The following SV2B variants were observed in gnomAD, a reference collection of about 807,000 sequenced individuals.
SV2B encodes solute carrier family 22 member B2.
A neutral mutation model predicts 73.9 loss-of-function variants in SV2B; 41 were observed. The observed-to-expected ratio is 0.56, with a 90% CI of 0.43 to 0.72. The LOEUF is 0.72. SV2B is among the 30% of genes least tolerant of loss of function. The pLI, the probability that SV2B is intolerant of heterozygous loss-of-function variation, is 0.00. For missense variants in SV2B, 764 were observed against 857.8 expected (o/e 0.89, Z 1.37); for synonymous variants, 314 against 314.2 (o/e 1.00, Z 0.01).
chr15:91,158,032 T>C (rs781626257), intron 1 of SV2B, among the ~76,000 whole-genome samples: 3 of 152,330 alleles, frequency 2.0e-5, no homozygotes, highest in South Asian at 2.1e-4. Flanking sequence ...TGTATGTCCA[T>C]GGGCCTATGG....
rs781049886 is a variant in SV2B, at chr15:91,115,890, G to A, written c.-392+15527G>A. Among the ~76,000 whole-genome samples, 45 of 152,098 alleles carry A rather than the reference G, an allele frequency of 3.0e-4. 1 individual carries two copies. The highest frequency in any genetic ancestry group is 6.5e-4 in the Admixed American group (10 of 15,268). ...AGAGTTAATGATAGGTAAGGAAAACGTGATCTCTGCCCTCAGGGTGTATAG... is the reference window on the plus strand; with the variant it reads ...AGAGTTAATGATAGGTAAGGAAAACATGATCTCTGCCCTCAGGGTGTATAG... On this transcript the variant is annotated intron_variant, in intron 1 of 12. Coordinates refer to ENST00000394232, the MANE Select transcript of SV2B (RefSeq NM_001323032.3). The surrounding 1 kb of genome is among the most constrained non-coding windows in gnomAD (Gnocchi z 4.3).
At position 91,245,264 on chromosome 15, in the gene SV2B, G is replaced by A. The variant is rs1009528015; in HGVS notation, c.452-6555G>A. Among the ~76,000 whole-genome samples the A allele has an allele frequency of 1.7e-4, 26 of 152,132 alleles. No individual in the cohort carries two copies. Among genetic ancestry groups the A allele is most frequent in the African/African-American group, 5.8e-4 (24 of 41,420 alleles). ...TTGATCTCCTTCGATCTCATGATTC[G>A]ATTTCTTGGAATCTATTCTGAGCAA... On this transcript the variant is annotated intron_variant, in intron 2 of 12. Transcript: ENST00000394232. This position sits in a 1 kb window ranked among gnomAD's most constrained non-coding sequence, Gnocchi z 4.2.
At chr15:91,173,973 T>A (rs1197630184) in intron 1 of SV2B, among the ~76,000 whole-genome samples, 3 of 152,226 alleles carry the variant, frequency 2.0e-5, no homozygotes, top group Non-Finnish European at 4.4e-5. Flanking sequence ...TGAGGACCAC[T>A]GCAACAGTAC....
chr15:91,174,592 A>C (rs550473642), intron 1 of SV2B, among the ~76,000 whole-genome samples: 5 of 152,314 alleles, frequency 3.3e-5, no homozygotes, highest in African/African-American at 1.2e-4. Context: ...ATTAGGTGGG[A>C]TCCAGCATGC....
intron 1 of SV2B, among the ~76,000 whole-genome samples, chr15:91,125,311 G>A (rs2031226936): frequency 6.6e-6 from 1 of 152,146 alleles, no homozygotes; most frequent in African/African-American, 2.4e-5. Context: ...GTGCATGAGG[G>A]TATAAACACT....
rs572823596 is a variant in SV2B, at chr15:91,232,391, C to T, written c.451+5677C>T. On this transcript the variant is annotated intron_variant, in intron 2 of 12. Coordinates refer to ENST00000394232, the MANE Select transcript of SV2B (RefSeq NM_001323032.3). The surrounding 1 kb of genome is among the most constrained non-coding windows in gnomAD (Gnocchi z 4.7). The stretch of plus-strand genomic sequence containing the variant: ...TAGAATAGACTTAAAATGAAGGGCT[C>T]CCTTAGCAGACGTACACGGATTGCT... Among the ~76,000 whole-genome samples, 1 of 152,278 alleles carries T rather than the reference C, an allele frequency of 6.6e-6. No individual in the cohort carries two copies. The highest frequency in any genetic ancestry group is 2.1e-4 in the South Asian group (1 of 4,826).
chr15:91,256,084 C>T (rs182445239), intron 4 of SV2B, among the ~76,000 whole-genome samples: 2 of 152,144 alleles, frequency 1.3e-5, no homozygotes, highest in East Asian at 1.9e-4. Flanking sequence ...TGTGAACTCA[C>T]GGGTAAAGCT....
At position 91,229,087 on chromosome 15, in the gene SV2B, G is replaced by A. The variant is rs182167266; in HGVS notation, c.451+2373G>A. Among the ~76,000 whole-genome samples the A allele has an allele frequency of 1.7e-3, 263 of 152,304 alleles. 4 individuals are homozygous for A. Among genetic ancestry groups the A allele is most frequent in the Admixed American group, 7.6e-3 (117 of 15,300 alleles). On this transcript the variant is annotated intron_variant, in intron 2 of 12. Coordinates refer to ENST00000394232, the MANE Select transcript of SV2B (RefSeq NM_001323032.3). The surrounding 1 kb of genome is among the most constrained non-coding windows in gnomAD (Gnocchi z 4.3). Reference sequence around the variant, plus strand: ...CCATACTGCCTTTCTCTCACGCCTCGTTTGTGGGAAGGAGGTCATGCCGTG... The same window carrying A: ...CCATACTGCCTTTCTCTCACGCCTCATTTGTGGGAAGGAGGTCATGCCGTG...
chr15:91,260,260 A>G (rs1288472697), intron 5 of SV2B, 60 bp from the exon 6 acceptor site: 9 of 1,469,196 alleles, frequency 6.1e-6, no homozygotes, highest in African/African-American at 1.4e-5. Context: ...TTCCACCCCT[A>G]ATGAACAGAA....
rs985945734 is a variant in SV2B, at chr15:91,224,424, T to A, written c.-391-1449T>A. On this transcript the variant is annotated intron_variant, in intron 1 of 12. Coordinates refer to ENST00000394232, the MANE Select transcript of SV2B (RefSeq NM_001323032.3). The surrounding 1 kb of genome is among the most constrained non-coding windows in gnomAD (Gnocchi z 4.9). ...GTGGGGTAGGGGGTGTAGGAGGGGC[T>A]GACGCCTAGCCCTGAGGGGCTACTC... 6.6e-6 allele frequency among the ~76,000 whole-genome samples: 1 copy of A among 152,134 alleles called. No individual in the cohort carries two copies. The highest frequency in any genetic ancestry group is 6.5e-5 in the Admixed American group (1 of 15,276).
rs1205905066 is a variant in SV2B at position 91,252,417 on chromosome 15, G to A, written c.681G>A (p.Leu227=). The A allele has an allele frequency of 2.5e-6, 4 of 1,613,470 alleles. No homozygotes were observed. The highest frequency in any genetic ancestry group is 3.4e-6 in the Non-Finnish European group (4 of 1,179,746). Residue 227 remains leucine, a synonymous_variant, in exon 4 of 13, where the codon TTG becomes TTA. Transcript: ENST00000394232. This position sits in a 1 kb window ranked among gnomAD's most constrained non-coding sequence, Gnocchi z 4.6. ...TTTTTGCCTATTTTTCTGAATTCTT[G>A]TCTCGGGAGAAGCGAGGAGAACACC... The part of the protein sequence containing the change: ...PIVFAYFSEF[L]SREKRGEHLS...
At position 91,183,279 on chromosome 15, in the gene SV2B, G is replaced by C. The variant is rs2044653406; in HGVS notation, c.-391-42594G>C. The stretch of plus-strand genomic sequence containing the variant: ...AATTATCCACATAAATGTGGGGAAA[G>C]TTGGTCTTCTCTTGGATTACCCAGA... On this transcript the variant is annotated intron_variant, in intron 1 of 12. Transcript: ENST00000394232. Among the ~76,000 whole-genome samples the C allele has an allele frequency of 2.0e-5, 3 of 152,256 alleles. No individual in the cohort carries two copies. The South Asian group carries it at 6.2e-4, about 31-fold the overall frequency.
At chr15:91,119,948 A>G (rs1660576511) in intron 1 of SV2B, among the ~76,000 whole-genome samples, 2 of 152,186 alleles carry the variant, frequency 1.3e-5, no homozygotes, top group Non-Finnish European at 2.9e-5. Flanking sequence ...TATTTGTAAA[A>G]GCTCCGCATA....
At chr15:91,126,435 A>G (rs1342861918) in intron 1 of SV2B, among the ~76,000 whole-genome samples, 1 of 152,230 alleles carries the variant, frequency 6.6e-6, no homozygotes, top group African/African-American at 2.4e-5. Context: ...CCATCTGGAG[A>G]TAATAGTGGG....
In SV2B at chr15:91,232,143, G is replaced by A. The variant is rs1367110588; in HGVS notation, c.451+5429G>A. Among the ~76,000 whole-genome samples, 1 of 152,154 alleles carries A rather than the reference G, an allele frequency of 6.6e-6. No individual in the cohort carries two copies. Among genetic ancestry groups the A allele is most frequent in the Non-Finnish European group, 1.5e-5 (1 of 68,014 alleles). ...GCCACTCTGTGTCTCAGAAGGGGGT[G>A]GCATGGAGGGGGGTCACTTCTGTGG... On this transcript the variant is annotated intron_variant, in intron 2 of 12. Coordinates refer to ENST00000394232, the MANE Select transcript of SV2B (RefSeq NM_001323032.3). This position sits in a 1 kb window ranked among gnomAD's most constrained non-coding sequence, Gnocchi z 4.7.
rs529835387 is a variant in SV2B, at chr15:91,229,100, A to C, written c.451+2386A>C. Among the ~76,000 whole-genome samples the C allele has an allele frequency of 7.2e-5, 11 of 152,336 alleles. No individual in the cohort carries two copies. In the South Asian group the frequency reaches 2.3e-3, roughly 32 times the overall value. ...CTCTCACGCCTCGTTTGTGGGAAGGAGGTCATGCCGTGCACAGGCTGCTCT... is the reference window on the plus strand; with the variant it reads ...CTCTCACGCCTCGTTTGTGGGAAGGCGGTCATGCCGTGCACAGGCTGCTCT... On this transcript the variant is annotated intron_variant, in intron 2 of 12. Transcript: ENST00000394232. The surrounding 1 kb of genome is among the most constrained non-coding windows in gnomAD (Gnocchi z 4.3).
intron 1 of SV2B, among the ~76,000 whole-genome samples, chr15:91,190,605 A>G (rs2044972708): frequency 6.6e-6 from 1 of 152,162 alleles, no homozygotes; most frequent in Admixed American, 6.5e-5. Context: ...TCTTTCTGCC[A>G]AAGGCAGAAT....
At chr15:91,250,738 T>C (rs2047450945) in intron 2 of SV2B, among the ~76,000 whole-genome samples, 1 of 152,132 alleles carries the variant, frequency 6.6e-6, no homozygotes, top group Non-Finnish European at 1.5e-5. Context: ...TACTTAGGAA[T>C]GAATTTAATC....
rs2041690818 is a variant in SV2B, at chr15:91,100,446, C to G, written c.-392+83C>G. 6.6e-6 allele frequency: 1 copy of G among 152,350 alleles called. No individual in the cohort carries two copies. Among genetic ancestry groups the G allele is most frequent in the African/African-American group, 2.4e-5 (1 of 41,472 alleles). 9.4% of individuals were successfully genotyped at this position (152,350 alleles called of 1,614,324 possible). A position where few individuals can be genotyped will look rare whatever the true frequency, so the allele number is the denominator to read the frequency against. On this transcript the variant is annotated intron_variant, in intron 1 of 12. Transcript: ENST00000394232. This position sits in a 1 kb window ranked among gnomAD's most constrained non-coding sequence, Gnocchi z 6.4. Reference sequence around the variant, plus strand: ...CGTGCGCCAGGGCTCCCAGACTCGCCTGCCTGGGCTGAAATATACACGCTC... The same window carrying G: ...CGTGCGCCAGGGCTCCCAGACTCGCGTGCCTGGGCTGAAATATACACGCTC...
Sources: gnomAD v4.1 joint callset for allele counts (sites outside exome capture counted in the v4.1 genomes callset) on GRCh38, gnomAD v4.1.1 for gene constraint, Gnocchi (gnomAD v3.1) non-coding constraint, MANE v1.5 for transcripts, NCBI Gene and HGNC (gene_info 2026-07-23, HGNC 2026-07-21) for gene names.